MEF2C: variants seen among roughly 807,000 people sequenced by gnomAD.
The protein encoded by MEF2C is myocyte-specific enhancer factor 2C.
In MEF2C, 6 loss-of-function variants were observed where a neutral mutation model predicts 50.5. The observed-to-expected ratio is 0.12, with a 90% CI of 0.07 to 0.23. The LOEUF (loss-of-function observed/expected upper bound fraction) is 0.23, where lower values mean the gene tolerates loss of function less well. Among genes scored for constraint, MEF2C ranks in the 10% least tolerant of loss-of-function variants. The probability of loss-of-function intolerance (pLI) is 1.00; values close to 1 mark genes in which losing one functional copy is unlikely to be tolerated. For synonymous variants in MEF2C, 183 were observed against 228.0 expected (o/e 0.80, Z 1.78); for missense variants, 276 against 605.0 (o/e 0.46, Z 5.70).
chr5:88,809,670 CTT>C (rs997208346), intron 2 of MEF2C, among the ~76,000 whole-genome samples: 1 of 151,730 alleles, frequency 6.6e-6, no homozygotes, highest in Non-Finnish European at 1.5e-5. Flanking sequence ...TTCAGACTAA[CTT>C]TTTCTCTGGA....
chr5:88,724,551 T>C (rs1259318332), intron 10 of MEF2C, among the ~76,000 whole-genome samples: 1 of 152,160 alleles, frequency 6.6e-6, no homozygotes, highest in Admixed American at 6.5e-5. Context: ...GTGTTAGCAT[T>C]TATATCAAGA....
chr5:88,822,218 A>C (rs1159364064), intron 2 of MEF2C, among the ~76,000 whole-genome samples: 2 of 152,032 alleles, frequency 1.3e-5, no homozygotes, highest in African/African-American at 4.8e-5. Flanking sequence ...TTGGTAATAA[A>C]GTGCAAATGC....
intron 1 of MEF2C, among the ~76,000 whole-genome samples, chr5:88,855,391 TG>T (rs1327350692): frequency 6.6e-6 from 1 of 152,240 alleles, no homozygotes; most frequent in Non-Finnish European, 1.5e-5. Context: ...TTAACGATTT[TG>T]GATATTTTTT....
At chr5:88,740,972 G>C in intron 6 of MEF2C, 1 of 985,406 alleles carries the variant, frequency 1.0e-6, no homozygotes, top group East Asian at 1.1e-4. Flanking sequence ...TGACAGAAGA[G>C]AAAGAATAAT....
chr5:88,871,920 G>A (rs1829635837), intron 1 of MEF2C, among the ~76,000 whole-genome samples: 2 of 151,844 alleles, frequency 1.3e-5, no homozygotes, highest in South Asian at 4.1e-4. Flanking sequence ...GATAATAAGG[G>A]TAGCATTTGC....
intron 3 of MEF2C, among the ~76,000 whole-genome samples, chr5:88,786,475 T>C (rs889539089): frequency 1.3e-5 from 2 of 152,064 alleles, no homozygotes; most frequent in African/African-American, 4.8e-5. Context: ...AAAAAAAATC[T>C]CATCTGTAAA....
At chr5:88,729,791 T>G (rs1297694406) in intron 8 of MEF2C, among the ~76,000 whole-genome samples, 1 of 152,168 alleles carries the variant, frequency 6.6e-6, no homozygotes, top group African/African-American at 2.4e-5. Flanking sequence ...CAGGTGGTGC[T>G]GTGACCACTT....
chr5:88,745,217 G>C (rs561957893), intron 6 of MEF2C, among the ~76,000 whole-genome samples: 1 of 152,224 alleles, frequency 6.6e-6, no homozygotes, highest in Non-Finnish European at 1.5e-5. Context: ...CAAACTGAAT[G>C]AGAAAGAGTT....
At chr5:88,880,378 C>A (rs1425189640) in intron 1 of MEF2C, among the ~76,000 whole-genome samples, 1 of 152,040 alleles carries the variant, frequency 6.6e-6, no homozygotes, top group African/African-American at 2.4e-5. Context: ...TGTTTAATAA[C>A]TATGTCTTTG....
At chr5:88,809,421 T>G (rs1801855142) in intron 2 of MEF2C, among the ~76,000 whole-genome samples, 1 of 152,200 alleles carries the variant, frequency 6.6e-6, no homozygotes. Flanking sequence ...TTGAATATTC[T>G]CTATGTCAGG....
intron 6 of MEF2C, chr5:88,738,603 A>T: frequency 1.0e-6 from 1 of 984,836 alleles, no homozygotes. Flanking sequence ...ACAACACTAC[A>T]CTGCTCCTTC....
chr5:88,870,377 A>T (rs183450018), intron 1 of MEF2C, among the ~76,000 whole-genome samples: 1 of 152,174 alleles, frequency 6.6e-6, no homozygotes, highest in African/African-American at 2.4e-5. Flanking sequence ...GTTACTCTTT[A>T]AAAAAACCTG....
chr5:88,776,439 C>G (rs907518073), intron 3 of MEF2C, among the ~76,000 whole-genome samples: 2 of 152,202 alleles, frequency 1.3e-5, no homozygotes, highest in African/African-American at 4.8e-5. Context: ...CTCTCAAAAC[C>G]TATTCCCTCT....
intron 3 of MEF2C, chr5:88,785,477 G>C (rs918105254): frequency 1.3e-5 from 2 of 152,132 alleles, no homozygotes; most frequent in Non-Finnish European, 2.9e-5. Flanking sequence ...GAGACTAAAT[G>C]TTGGCATGTT....
At chr5:88,771,634 A>G in intron 3 of MEF2C, 2 of 984,204 alleles carry the variant, frequency 2.0e-6, no homozygotes, top group South Asian at 4.7e-5. Flanking sequence ...CTCAACCAAG[A>G]TTCTCAGTTA....
Position 88,783,659 on chromosome 5 carries a change from AACAG to A in MEF2C, c.258+20935_258+20938del, listed in dbSNP as rs1211325890. On this transcript the variant is annotated intron_variant, in intron 3 of 10. Transcript: ENST00000504921. ...AAAAATAAAATAAAATAAAAAATAA[AACAG>A]ACAGTCTAAGTAATTTGCCCAAGGA... Among the ~76,000 whole-genome samples, 10 of 152,244 alleles carry A rather than the reference AACAG, an allele frequency of 6.6e-5. No individual in the cohort carries two copies. The East Asian group carries it at 1.4e-3, about 21-fold the overall frequency.
Position 88,786,330 on chromosome 5 carries a change from CAAAG to C in MEF2C, c.258+18264_258+18267del, listed in dbSNP as rs1790870118. On this transcript the variant is annotated intron_variant, in intron 3 of 10. Transcript: ENST00000504921. ...CTATGTGAAACAGTGACTACAAAAACAAAGAACATTCTCCAATGATTAAACTGCG... is the reference window on the plus strand; with the variant it reads ...CTATGTGAAACAGTGACTACAAAAACAACATTCTCCAATGATTAAACTGCG... Among the ~76,000 whole-genome samples the C allele has an allele frequency of 3.3e-5, 5 of 152,208 alleles. No individual in the cohort carries two copies. In the South Asian group the frequency reaches 6.2e-4, roughly 19 times the overall value.
Position 88,734,565 on chromosome 5 carries a change from G to GTTTTTTTTTT in MEF2C, c.638-2674_638-2665dup, listed in dbSNP as rs66505441. On this transcript the variant is annotated intron_variant, in intron 6 of 10. Transcript: ENST00000504921. The stretch of plus-strand genomic sequence containing the variant: ...TTCACGGAGGCCTTGAGAAAAGTTT[G>GTTTTTTTTTT]TTTTTTTTTTTTTTTTTTTTTTTTT... 1,422 of 540,934 alleles carry GTTTTTTTTTT rather than the reference G, an allele frequency of 2.6e-3. 91 individuals are homozygous for GTTTTTTTTTT. The highest frequency in any genetic ancestry group is 4.7e-3 in the Middle Eastern group (4 of 850). The allele number at this position is 540,934 out of a possible 1,614,324, so 33.5% of individuals were successfully genotyped here. A position where few individuals can be genotyped will look rare whatever the true frequency, so the allele number is the denominator to read the frequency against.
chr5:88,779,882 C>T lies in MEF2C; in HGVS notation c.259-18554G>A, dbSNP rs188873879. Among the ~76,000 whole-genome samples, 381 of 151,838 alleles carry T rather than the reference C, an allele frequency of 2.5e-3. 1 individual carries two copies. The highest frequency in any genetic ancestry group is 8.8e-3 in the African/African-American group (366 of 41,404). ...GCCAGGCACAGTGTCTCATGTCTCA[C>T]GCCTATAATCCCAGCACTTTGGGAG... On this transcript the variant is annotated intron_variant, in intron 3 of 10. Coordinates refer to ENST00000504921, the MANE Select transcript of MEF2C (RefSeq NM_002397.5).
Sources: gnomAD v4.1 joint callset for allele counts (sites outside exome capture counted in the v4.1 genomes callset) on GRCh38, gnomAD v4.1.1 for gene constraint, MANE v1.5 for transcripts, NCBI Gene and HGNC (gene_info 2026-07-23, HGNC 2026-07-21) for gene names.